The following CHD6 variants were observed in gnomAD, a reference collection of about 807,000 sequenced individuals.
The protein encoded by CHD6 is ATP-dependent chromatin remodeler CHD6.
A neutral mutation model predicts 276.9 loss-of-function variants in CHD6; 50 were observed. The ratio of observed to expected loss-of-function variants is 0.18; its 90% CI spans 0.14 to 0.23. The LOEUF (loss-of-function observed/expected upper bound fraction) is 0.23. CHD6 is among the 10% of genes least tolerant of loss of function. CHD6 has a pLI of 1.00. For missense variants in CHD6, 2,564 were observed against 3,365.8 expected (o/e 0.76, Z 5.89); for synonymous variants, 1,173 against 1,229.3 (o/e 0.95, Z 0.96).
At chr20:41,445,003 T>C (rs931849925) in intron 25 of CHD6, among the ~76,000 whole-genome samples, 13 of 152,238 alleles carry the variant, frequency 8.5e-5, no homozygotes, top group Non-Finnish European at 1.3e-4. Flanking sequence ...TATGGGTGAC[T>C]ATCACTTGAC....
chr20:41,447,871 A>G lies in CHD6; in HGVS notation c.3773+11T>C, dbSNP rs1194701867. On this transcript the variant is annotated intron_variant, in intron 24 of 36. Transcript: ENST00000373233. ...CTTTAACGTTGATATGTTAAGTTTCATTTGCTTTACCTGGCAGGAGATCCT... is the reference window on the plus strand; with the variant it reads ...CTTTAACGTTGATATGTTAAGTTTCGTTTGCTTTACCTGGCAGGAGATCCT... The G allele has an allele frequency of 1.9e-6, 3 of 1,590,810 alleles. No homozygotes were observed. Among genetic ancestry groups the G allele is most frequent in the Non-Finnish European group, 2.6e-6 (3 of 1,163,266 alleles).
intron 2 of CHD6, among the ~76,000 whole-genome samples, chr20:41,548,306 A>G (rs1469969059): frequency 6.6e-6 from 1 of 152,190 alleles, no homozygotes; most frequent in African/African-American, 2.4e-5. Context: ...GTTCATCAAA[A>G]TTACCATGAG....
chr20:41,503,977 C>T (rs547868921), intron 5 of CHD6, among the ~76,000 whole-genome samples: 1 of 141,216 alleles, frequency 7.1e-6, no homozygotes, highest in Admixed American at 7.7e-5. Context: ...ACTTGGGAGG[C>T]TGAGGAAAGA....
At chr20:41,554,454 G>T (rs2045191515) in intron 1 of CHD6, among the ~76,000 whole-genome samples, 1 of 151,488 alleles carries the variant, frequency 6.6e-6, no homozygotes, top group South Asian at 2.1e-4. Flanking sequence ...ATTTGGCAGG[G>T]TCATAGGACA....
chr20:41,555,097 C>T (rs1206920451), intron 1 of CHD6, among the ~76,000 whole-genome samples: 1 of 141,108 alleles, frequency 7.1e-6, no homozygotes, highest in African/African-American at 2.7e-5. Context: ...GGCGGCTTGC[C>T]GGGCGGGGGG....
chr20:41,608,917 C>T (rs2045857153), intron 1 of CHD6, among the ~76,000 whole-genome samples: 1 of 152,210 alleles, frequency 6.6e-6, no homozygotes, highest in Non-Finnish European at 1.5e-5. Flanking sequence ...TGAAATGCTG[C>T]AGACACAAAG....
At chr20:41,560,814 T>C (rs1192105932) in intron 1 of CHD6, among the ~76,000 whole-genome samples, 4 of 151,342 alleles carry the variant, frequency 2.6e-5, no homozygotes, top group Admixed American at 6.6e-5. Context: ...AAGAATTCAA[T>C]AGAAATATAA....
At chr20:41,524,130 T>C (rs2146023059) in intron 3 of CHD6, among the ~76,000 whole-genome samples, 1 of 152,284 alleles carries the variant, frequency 6.6e-6, no homozygotes, top group East Asian at 1.9e-4. Context: ...GACCTTCCTA[T>C]AGGCTTTGAT....
intron 28 of CHD6, among the ~76,000 whole-genome samples, chr20:41,425,680 G>C (rs1221029412): frequency 6.6e-6 from 1 of 151,972 alleles, no homozygotes; most frequent in Admixed American, 6.6e-5. Context: ...ACAGGAATGA[G>C]CAGATCCTTT....
intron 1 of CHD6, among the ~76,000 whole-genome samples, chr20:41,600,994 A>G (rs2045767694): frequency 6.6e-6 from 1 of 152,224 alleles, no homozygotes; most frequent in African/African-American, 2.4e-5. Flanking sequence ...GCTCTATCAC[A>G]TCAAAAATCT....
Position 41,421,712 on chromosome 20 carries a change from T to C in CHD6, c.4923A>G (p.Glu1641=), listed in dbSNP as rs147300921. The C allele has an allele frequency of 6.2e-6, 10 of 1,614,016 alleles. No individual in the cohort carries two copies. The African/African-American group carries it at 1.1e-4, about 17-fold the overall frequency. The change falls in exon 31 of 37, where the codon GAA becomes GAG. Residue 1641 remains glutamate (E), a synonymous_variant. Coordinates refer to ENST00000373233, the MANE Select transcript of CHD6 (RefSeq NM_032221.5). The stretch of plus-strand genomic sequence containing the variant: ...TACTCATTTGAGAATATGTAAGAGA[T>C]TCATATAACTTGGAGTTGGTCTGGT... The part of the protein sequence containing the change: ...CLYQTNSKLY[E]SLTYSQMSRT...
At chr20:41,423,725 A>G (rs2047270595) in intron 29 of CHD6, 25 bp from the exon 30 acceptor site, 2 of 1,588,540 alleles carry the variant, frequency 1.3e-6, no homozygotes, top group Non-Finnish European at 1.7e-6. Context: ...AGAAAGGAAG[A>G]GTGAGCTCTT....
At chr20:41,469,163 G>A (rs1406297312) in intron 17 of CHD6, among the ~76,000 whole-genome samples, 1 of 152,094 alleles carries the variant, frequency 6.6e-6, no homozygotes, top group African/African-American at 2.4e-5. Flanking sequence ...ACTCCCAACT[G>A]ACTTCCAAAA....
chr20:41,415,168 A>G lies in CHD6; in HGVS notation c.6939+18T>C. The G allele has an allele frequency of 6.3e-7, 1 of 1,598,134 alleles. No homozygotes were observed. The highest frequency in any genetic ancestry group is 8.5e-7 in the Non-Finnish European group (1 of 1,170,886). On this transcript the variant is annotated intron_variant, in intron 34 of 36. Coordinates refer to ENST00000373233, the MANE Select transcript of CHD6 (RefSeq NM_032221.5). The stretch of plus-strand genomic sequence containing the variant: ...GTAGAAAGGTAAATGTTTTTAATCT[A>G]ATGACCTCAATACCCACCAAGATTC...
intron 26 of CHD6, among the ~76,000 whole-genome samples, 185 bp downstream of exon 26, chr20:41,439,815 G>C (rs903613886): frequency 3.9e-5 from 6 of 152,224 alleles, no homozygotes; most frequent in Admixed American, 3.9e-4. Context: ...GGAAGTCAAA[G>C]AGCAGGTCTG....
At chr20:41,436,114 C>T (rs557046897) in intron 27 of CHD6, among the ~76,000 whole-genome samples, 8 of 151,992 alleles carry the variant, frequency 5.3e-5, no homozygotes, top group Non-Finnish European at 1.2e-4. Flanking sequence ...TTGCAAACTA[C>T]GTATCTGACA....
At chr20:41,613,036 G>A (rs1041870642) in intron 1 of CHD6, among the ~76,000 whole-genome samples, 7 of 152,002 alleles carry the variant, frequency 4.6e-5, no homozygotes, top group African/African-American at 1.7e-4. Context: ...AAGGCTCTGA[G>A]AACTTTAATA....
chr20:41,422,045 G>C lies in CHD6; in HGVS notation c.4590C>G (p.Ile1530Met), dbSNP rs1209222386. 4.3e-6 allele frequency: 7 copies of C among 1,613,864 alleles called. No individual in the cohort carries two copies. The highest frequency in any genetic ancestry group is 5.9e-6 in the Non-Finnish European group (7 of 1,179,868). ...GAGTTCTTGCAGCACGTTCCTCAGT[G>C]ATGGGTTCAACGTAGATGGTGGTAT... ...PPDTTIYVEP[I>M]TEERAARTLY... The change falls in exon 31 of 37, where the codon ATC becomes ATG. Residue 1530 changes from isoleucine (I) to methionine (M), a missense_variant. Coordinates refer to ENST00000373233, the MANE Select transcript of CHD6 (RefSeq NM_032221.5).
intron 8 of CHD6, among the ~76,000 whole-genome samples, chr20:41,495,930 G>C (rs903335255): frequency 6.6e-6 from 1 of 152,182 alleles, no homozygotes; most frequent in African/African-American, 2.4e-5. Context: ...TGGGCTGGGA[G>C]GGGCAGTTTG....
Sources: allele counts gnomAD v4.1 joint callset (sites outside exome capture counted in the v4.1 genomes callset), GRCh38; gene constraint gnomAD v4.1.1; transcripts MANE v1.5; gene names NCBI Gene and HGNC (gene_info 2026-07-23, HGNC 2026-07-21).